HKDC1: variants seen among roughly 807,000 people sequenced by gnomAD.
HKDC1 encodes the protein hexokinase HKDC1.
In HKDC1, 66 loss-of-function variants were observed where a neutral mutation model predicts 96.6. The ratio of observed to expected loss-of-function variants is 0.68; its 90% confidence interval spans 0.56 to 0.84. The LOEUF is 0.84. Among genes scored for constraint, HKDC1 ranks in the 40% least tolerant of loss-of-function variants. HKDC1 has a pLI of 0.00. For missense variants in HKDC1, 1,211 were observed against 1,208.1 expected (o/e 1.00, Z -0.04); for synonymous variants, 466 against 473.1 (o/e 0.98, Z 0.20).
At position 69,248,595 on chromosome 10, in the gene HKDC1, G is replaced by C; in HGVS notation, c.1437G>C (p.Leu479=). The C allele has an allele frequency of 3.1e-6, 5 of 1,614,168 alleles. No individual in the cohort carries two copies. The highest frequency in any genetic ancestry group is 4.2e-6 in the Non-Finnish European group (5 of 1,180,028). Reference sequence around the variant, plus strand: ...ACAGGGTGCTGGCTTTGTTCCAGCTGACCCGAGAGCAGCTCGTGGACGTGC... The same window carrying C: ...ACAGGGTGCTGGCTTTGTTCCAGCTCACCCGAGAGCAGCTCGTGGACGTGC... ...QIDRVLALFQ[L]TREQLVDVQA... is the part of the protein sequence containing the mutation. The change falls in exon 10 of 18, where the codon CTG becomes CTC. Residue 479 remains leucine (L), a synonymous_variant. Transcript: ENST00000354624.
At position 69,248,723 on chromosome 10, in the gene HKDC1, G is replaced by A; in HGVS notation, c.1565G>A (p.Gly522Asp). The A allele has an allele frequency of 6.2e-7, 1 of 1,600,996 alleles. No individual in the cohort carries two copies. Among genetic ancestry groups the A allele is most frequent in the South Asian group, 1.1e-5 (1 of 89,900 alleles). ...LPTYVCGLPD[G>D]TEKGKFLALD... ...ACCTACGTCTGCGGGCTGCCGGACG[G>A]CACAGGTGGGCCAGCACAGCCTCCC... Residue 522 changes from glycine (G) to aspartate (D), a missense_variant, in exon 10 of 18, where the codon GGC (glycine) becomes GAC (aspartate). Transcript: ENST00000354624.
At position 69,248,600 on chromosome 10, in the gene HKDC1, G is replaced by T; in HGVS notation, c.1442G>T (p.Arg481Leu). The change falls in exon 10 of 18, where the codon CGA becomes CTA. Residue 481 changes from arginine to leucine, a missense_variant. By Grantham distance (102) the Arg-to-Leu change is moderately radical (BLOSUM62 -2). Transcript: ENST00000354624. ...DRVLALFQLT[R>L]EQLVDVQAKM... Reference sequence around the variant, plus strand: ...GTGCTGGCTTTGTTCCAGCTGACCCGAGAGCAGCTCGTGGACGTGCAGGCC... The same window carrying T: ...GTGCTGGCTTTGTTCCAGCTGACCCTAGAGCAGCTCGTGGACGTGCAGGCC... 6.2e-7 allele frequency: 1 copy of T among 1,614,144 alleles called. No individual in the cohort carries two copies. Among genetic ancestry groups the T allele is most frequent in the Non-Finnish European group, 8.5e-7 (1 of 1,180,024 alleles).
rs574012108 is a variant in HKDC1, at chr10:69,229,980, C to T, written c.226+2611C>T. On this transcript the variant is annotated intron_variant, in intron 2 of 17. Transcript: ENST00000354624. ...GCTGGTGGTATAATTTCATGATTACCGACAAAAAACAAGCAAAACTCTCCT... is the reference window on the plus strand; with the variant it reads ...GCTGGTGGTATAATTTCATGATTACTGACAAAAAACAAGCAAAACTCTCCT... Among the ~76,000 whole-genome samples the T allele has an allele frequency of 1.8e-4, 27 of 152,188 alleles. No individual in the cohort carries two copies. In the East Asian group the frequency reaches 4.4e-3, roughly 25 times the overall value.
chr10:69,246,123 G>T lies in HKDC1; in HGVS notation c.920G>T (p.Arg307Met). 6.2e-7 allele frequency: 1 copy of T among 1,614,246 alleles called. No individual in the cohort carries two copies. Among genetic ancestry groups the T allele is most frequent in the Non-Finnish European group, 8.5e-7 (1 of 1,180,048 alleles). ...GGCCTGTACCTGGGGGAGCTTGTCAGGCTTATCTTGCTGAAGATGGCCAAG... is the reference window on the plus strand; with the variant it reads ...GGCCTGTACCTGGGGGAGCTTGTCATGCTTATCTTGCTGAAGATGGCCAAG... Reference protein sequence around the residue: ...ISGLYLGELVRLILLKMAKAG... With the variant: ...ISGLYLGELVMLILLKMAKAG... Residue 307 changes from arginine (R) to methionine (M), a missense_variant, in exon 8 of 18, where the codon AGG (arginine) becomes ATG (methionine). Transcript: ENST00000354624.
chr10:69,241,418 C>G (rs1357513022), intron 6 of HKDC1, among the ~76,000 whole-genome samples: 1 of 152,112 alleles, frequency 6.6e-6, no homozygotes, highest in Non-Finnish European at 1.5e-5. Flanking sequence ...ACCGGCTTAT[C>G]CCCTGAGGGA....
chr10:69,267,362 A>G lies in HKDC1; in HGVS notation c.*605A>G. On this transcript the variant is annotated 3_prime_UTR_variant, in exon 18 of 18. Coordinates refer to ENST00000354624, the MANE Select transcript of HKDC1 (RefSeq NM_025130.4). ...CACTGCAGGAATCATTGCATGCTTA[A>G]AGCGAGTTATGTCAGCACCCTGTAG... 2.5e-6 allele frequency: 1 copy of G among 407,190 alleles called. No individual in the cohort carries two copies. 25.2% of individuals were successfully genotyped at this position (407,190 alleles called of 1,614,324 possible). A position where few individuals can be genotyped will look rare whatever the true frequency, so the allele number is the denominator to read the frequency against.
At chr10:69,259,332 C>A (rs1488171880) in intron 15 of HKDC1, among the ~76,000 whole-genome samples, 2 of 152,144 alleles carry the variant, frequency 1.3e-5, no homozygotes, top group Non-Finnish European at 2.9e-5. Flanking sequence ...AGGTTGGTGA[C>A]CTTTTCTGGG....
intron 12 of HKDC1, among the ~76,000 whole-genome samples, chr10:69,253,964 C>G (rs1843682154): frequency 6.6e-6 from 1 of 152,160 alleles, no homozygotes; most frequent in Non-Finnish European, 1.5e-5. Flanking sequence ...AGCAGGTCAA[C>G]CAGAGAGCTC....
At chr10:69,248,972 C>T (rs1330686715) in intron 10 of HKDC1, 12 of 494,514 alleles carry the variant, frequency 2.4e-5, no homozygotes, top group Admixed American at 7.5e-5. Context: ...TATGTGTGTG[C>T]ACTTATGTGT....
At chr10:69,263,571 G>C (rs1843843874) in intron 16 of HKDC1, among the ~76,000 whole-genome samples, 1 of 152,214 alleles carries the variant, frequency 6.6e-6, no homozygotes, top group African/African-American at 2.4e-5. Context: ...TAGAGCTTGA[G>C]TTTTAAGATT....
intron 14 of HKDC1, 50 bp downstream of exon 14, chr10:69,257,476 T>G (rs1215567515): frequency 2.2e-6 from 3 of 1,372,776 alleles, no homozygotes; most frequent in Non-Finnish European, 2.1e-6. Context: ...TATCCATTGA[T>G]GGTTTCCTTT....
In HKDC1 at chr10:69,258,838, GA is replaced by G; in HGVS notation, c.2097del (p.Lys701ArgfsTer17). 1.2e-6 allele frequency: 2 copies of G among 1,614,100 alleles called. No individual in the cohort carries two copies. Among genetic ancestry groups the G allele is most frequent in the Non-Finnish European group, 1.7e-6 (2 of 1,179,992 alleles). On this transcript the variant is annotated frameshift_variant, in exon 15 of 18. Coordinates refer to ENST00000354624, the MANE Select transcript of HKDC1 (RefSeq NM_025130.4). LOFTEE classifies it high-confidence loss of function. ...MRNIEMVEGGEGKMCINTEWG... is the reference protein window; with the variant it reads ...MRNIEMVEGGXGKMCINTEWG... Reference sequence around the variant, plus strand: ...GAACATCGAGATGGTGGAGGGGGGTGAAGGGAAGATGTGCATCAATACAGAG... The same window carrying G: ...GAACATCGAGATGGTGGAGGGGGGTGAGGGAAGATGTGCATCAATACAGAG...
chr10:69,232,520 C>T, intron 2 of HKDC1: 1 of 533,886 alleles, frequency 1.9e-6, no homozygotes, highest in Non-Finnish European at 3.4e-6. Flanking sequence ...CACATTCCTA[C>T]AGCATGAGCC....
At chr10:69,246,282 G>A (rs1589410992) in intron 8 of HKDC1, 48 bp downstream of exon 8, 1 of 1,600,510 alleles carries the variant, frequency 6.2e-7, no homozygotes, top group South Asian at 1.1e-5. Context: ...GGGATGGGAG[G>A]CCCAGGTGTG....
At chr10:69,230,846 T>C (rs1843246789) in intron 2 of HKDC1, among the ~76,000 whole-genome samples, 1 of 152,184 alleles carries the variant, frequency 6.6e-6, no homozygotes, top group African/African-American at 2.4e-5. Context: ...GTTGAACTCT[T>C]GGCAAGGGAT....
chr10:69,258,995 T>C (rs1177463087), intron 15 of HKDC1, 36 bp downstream of exon 15: 3 of 1,474,700 alleles, frequency 2.0e-6, no homozygotes, highest in Non-Finnish European at 2.7e-6. Flanking sequence ...ATGTGGGTTG[T>C]GTAGTGAACA....
chr10:69,263,977 T>C lies in HKDC1; in HGVS notation c.2373-1608T>C, dbSNP rs571737096. Among the ~76,000 whole-genome samples the C allele has an allele frequency of 9.3e-4, 142 of 152,242 alleles. 1 individual carries two copies. Among genetic ancestry groups the C allele is most frequent in the Non-Finnish European group, 7.4e-5 (5 of 68,024 alleles). On this transcript the variant is annotated intron_variant, in intron 16 of 17. Transcript: ENST00000354624. ...ATCACCTGAGGTCAGGTAGCCAACA[T>C]GGTGAAACTCTGTCTCTACTAAAAA...
intron 8 of HKDC1, 48 bp from the exon 9 acceptor site, chr10:69,247,312 C>A: frequency 1.6e-6 from 2 of 1,272,934 alleles, no homozygotes; most frequent in Non-Finnish European, 2.3e-6. Flanking sequence ...CAGGAGGATA[C>A]CAGTGGGATG....
At chr10:69,249,529 T>A (rs1427414285) in intron 10 of HKDC1, among the ~76,000 whole-genome samples, 1 of 152,218 alleles carries the variant, frequency 6.6e-6, no homozygotes, top group Non-Finnish European at 1.5e-5. Context: ...GGAGTCTCGC[T>A]CTGTCACCCA....
Sources: allele counts gnomAD v4.1 joint callset (sites outside exome capture counted in the v4.1 genomes callset), GRCh38; gene constraint gnomAD v4.1.1; transcripts MANE v1.5; gene names NCBI Gene and HGNC (gene_info 2026-07-23, HGNC 2026-07-21).